NKAIN3: variants seen among roughly 807,000 people sequenced by gnomAD.
The protein encoded by NKAIN3 is sodium/potassium-transporting ATPase subunit beta-1-interacting protein 3.
In NKAIN3, 25 loss-of-function variants were observed where a neutral mutation model predicts 30.2. That is an observed-to-expected ratio of 0.83 (90% CI 0.60 to 1.16). The LOEUF (loss-of-function observed/expected upper bound fraction) is 1.16. NKAIN3 is among the 50% of genes most tolerant of loss of function. The pLI, the probability that NKAIN3 is intolerant of heterozygous loss-of-function variation, is 0.00. For missense variants in NKAIN3, 225 were observed against 254.1 expected, an observed-to-expected ratio of 0.89 and a Z score of 0.78; for synonymous variants, 91 against 89.6, an observed-to-expected ratio of 1.02 and a Z score of -0.09.
At chr8:62,344,941 A>G in intron 1 of NKAIN3, 1 of 291,996 alleles carries the variant, frequency 3.4e-6, no homozygotes, top group Non-Finnish European at 6.7e-6. Context: ...GTACAATCCA[A>G]TATATTTTTA....
chr8:62,610,606 A>C (rs1298454396), intron 3 of NKAIN3, among the ~76,000 whole-genome samples: 1 of 152,174 alleles, frequency 6.6e-6, no homozygotes, highest in Non-Finnish European at 1.5e-5. Context: ...ACTGATGAAC[A>C]GCTGAGAAAA....
At chr8:62,662,221 C>G (rs536157290) in intron 3 of NKAIN3, among the ~76,000 whole-genome samples, 57 of 152,366 alleles carry the variant, frequency 3.7e-4, no homozygotes, top group Non-Finnish European at 7.1e-4. Flanking sequence ...ACTGGCTGAG[C>G]TGCCTTGGGT....
chr8:62,492,375 T>A (rs1302673038), intron 1 of NKAIN3, among the ~76,000 whole-genome samples: 4 of 152,278 alleles, frequency 2.6e-5, no homozygotes, highest in Non-Finnish European at 5.9e-5. Flanking sequence ...AAGCCCCACC[T>A]CAATTCTACT....
intron 4 of NKAIN3, among the ~76,000 whole-genome samples, chr8:62,802,603 T>C (rs1818108581): frequency 6.6e-6 from 1 of 151,916 alleles, no homozygotes; most frequent in African/African-American, 2.4e-5. Context: ...CTAAAAGAGC[T>C]CCTGAAAGAA....
chr8:62,859,375 AT>A, intron 4 of NKAIN3, among the ~76,000 whole-genome samples: 1 of 151,970 alleles, frequency 6.6e-6, no homozygotes, highest in Admixed American at 6.6e-5. Context: ...ACACAGAGGT[AT>A]CTACTTTATT....
At chr8:62,943,126 G>A (rs1347812623) in intron 5 of NKAIN3, among the ~76,000 whole-genome samples, 2 of 151,910 alleles carry the variant, frequency 1.3e-5, no homozygotes, top group African/African-American at 4.8e-5. Flanking sequence ...AAATCTTTGC[G>A]AATTATGCAT....
In NKAIN3 at chr8:62,527,693, A is replaced by G. The variant is rs190353388; in HGVS notation, c.55-51846A>G. Among the ~76,000 whole-genome samples, 48 of 152,248 alleles carry G rather than the reference A, an allele frequency of 3.2e-4. 1 individual carries two copies. The Middle Eastern group carries it at 0.017, about 54-fold the overall frequency. ...AATGTTTTAGAAAATGTATTATTAT[A>G]TTTATCTCTCCAATCCAATCAGGAC... On this transcript the variant is annotated intron_variant, in intron 1 of 6. Transcript: ENST00000623646.
intron 1 of NKAIN3, among the ~76,000 whole-genome samples, chr8:62,465,316 A>G (rs1024123952): frequency 2.0e-5 from 3 of 152,216 alleles, no homozygotes; most frequent in African/African-American, 7.2e-5. Flanking sequence ...TATCCTGGCT[A>G]CATAAATGCA....
intron 4 of NKAIN3, among the ~76,000 whole-genome samples, chr8:62,806,257 G>T (rs1235898888): frequency 2.0e-5 from 3 of 152,116 alleles, no homozygotes; most frequent in East Asian, 3.9e-4. Flanking sequence ...GATTCCTCAG[G>T]GATCTAGAAC....
At chr8:62,832,401 A>C (rs541090383) in intron 4 of NKAIN3, among the ~76,000 whole-genome samples, 4 of 151,982 alleles carry the variant, frequency 2.6e-5, no homozygotes, top group African/African-American at 9.6e-5. Context: ...CTCACATATC[A>C]ATATTAACCC....
chr8:62,704,343 G>A (rs1307505705), intron 3 of NKAIN3, among the ~76,000 whole-genome samples: 1 of 151,902 alleles, frequency 6.6e-6, no homozygotes, highest in East Asian at 1.9e-4. Context: ...CTCCTCCATA[G>A]TTATAATATT....
intron 4 of NKAIN3, among the ~76,000 whole-genome samples, chr8:62,860,138 AC>A (rs1820196576): frequency 1.3e-5 from 2 of 152,142 alleles, no homozygotes; most frequent in South Asian, 4.1e-4. Flanking sequence ...TAGAGTAGCG[AC>A]CTGAAACAAT....
intron 3 of NKAIN3, among the ~76,000 whole-genome samples, chr8:62,595,173 A>C (rs1810783711): frequency 6.6e-6 from 1 of 151,938 alleles, no homozygotes; most frequent in African/African-American, 2.4e-5. Flanking sequence ...AGTCATGGTT[A>C]ATATTTTTAA....
chr8:62,533,699 G>A (rs114570040), intron 1 of NKAIN3, among the ~76,000 whole-genome samples: 4,367 of 152,164 alleles, frequency 0.029, 214 homozygotes, highest in African/African-American at 0.1. Flanking sequence ...ATCTTTAGTC[G>A]TTAGCTGTAT....
At chr8:62,404,347 G>A (rs1340346990) in intron 1 of NKAIN3, among the ~76,000 whole-genome samples, 2 of 152,118 alleles carry the variant, frequency 1.3e-5, no homozygotes, top group Non-Finnish European at 2.9e-5. Flanking sequence ...GAGGGGCCAG[G>A]GGAGGAATGA....
intron 1 of NKAIN3, among the ~76,000 whole-genome samples, chr8:62,301,210 T>A (rs1405946943): frequency 6.6e-6 from 1 of 151,960 alleles, no homozygotes; most frequent in Non-Finnish European, 1.5e-5. Flanking sequence ...AAGTAAATAG[T>A]GTATTTTTAA....
intron 1 of NKAIN3, among the ~76,000 whole-genome samples, chr8:62,447,915 T>C (rs1273988270): frequency 1.3e-5 from 2 of 152,006 alleles, no homozygotes; most frequent in African/African-American, 4.8e-5. Flanking sequence ...AAGTGGGATG[T>C]TTGAAATCTA....
chr8:62,805,887 T>A (rs1411289598), intron 4 of NKAIN3, among the ~76,000 whole-genome samples: 1 of 152,036 alleles, frequency 6.6e-6, no homozygotes, highest in African/African-American at 2.4e-5. Flanking sequence ...GGGAGAAAAT[T>A]TTTGCAACCT....
At chr8:62,292,202 G>A (rs983860049) in intron 1 of NKAIN3, among the ~76,000 whole-genome samples, 3 of 152,138 alleles carry the variant, frequency 2.0e-5, no homozygotes, top group African/African-American at 7.2e-5. Context: ...TTGCCAGTCT[G>A]TGTCTTTTAA....
Sources: gnomAD v4.1 joint callset for allele counts (sites outside exome capture counted in the v4.1 genomes callset) on GRCh38, gnomAD v4.1.1 for gene constraint, MANE v1.5 for transcripts, NCBI Gene and HGNC (gene_info 2026-07-23, HGNC 2026-07-21) for gene names.